The following ZBTB20 variants were observed in gnomAD, a reference collection of about 807,000 sequenced individuals.
ZBTB20 encodes the protein zinc finger and BTB domain-containing protein 20.
In ZBTB20, 9 loss-of-function variants were observed where a neutral mutation model predicts 56.9. The ratio of observed to expected loss-of-function variants is 0.16; its 90% CI spans 0.10 to 0.28. ZBTB20 has a LOEUF of 0.28. Among genes scored for constraint, ZBTB20 ranks in the 10% least tolerant of loss-of-function variants. ZBTB20 has a pLI of 1.00. For synonymous variants in ZBTB20, 417 were observed against 420.7 expected (o/e 0.99, Z 0.11); for missense variants, 655 against 1,003.0 (o/e 0.65, Z 4.69).
intron 7 of ZBTB20, among the ~76,000 whole-genome samples, chr3:114,408,489 A>G (rs1401759208): frequency 6.6e-6 from 1 of 152,174 alleles, no homozygotes; most frequent in African/African-American, 2.4e-5. Flanking sequence ...CGAAATTAGA[A>G]CAAGTCCTCA....
intron 7 of ZBTB20, among the ~76,000 whole-genome samples, chr3:114,422,170 A>G (rs988603301): frequency 2.0e-5 from 3 of 152,140 alleles, no homozygotes; most frequent in South Asian, 4.1e-4. Context: ...GACTAACTAC[A>G]TTTTACTTAG....
In ZBTB20 at chr3:114,803,482, G is replaced by A. The variant is rs182772756; in HGVS notation, c.-416-2308C>T. On this transcript the variant is annotated intron_variant, in intron 4 of 11. Transcript: ENST00000675478. ...GCAAAACAGATGGATCTTACTTTGC[G>A]CCAGGACTCAAAAAATATAGTCGCC... Among the ~76,000 whole-genome samples the A allele has an allele frequency of 9.8e-4, 149 of 151,790 alleles. 1 individual carries two copies. Among genetic ancestry groups the A allele is most frequent in the South Asian group, 1.5e-3 (7 of 4,806 alleles).
intron 5 of ZBTB20, among the ~76,000 whole-genome samples, chr3:114,753,297 CCTGTAT>C (rs2067709970): frequency 7.4e-6 from 1 of 134,738 alleles, no homozygotes; most frequent in Non-Finnish European, 1.5e-5. Flanking sequence ...TATATGTATA[CCTGTAT>C]ATATAATGTA....
At chr3:114,790,300 A>G (rs2070851337) in intron 5 of ZBTB20, among the ~76,000 whole-genome samples, 1 of 152,166 alleles carries the variant, frequency 6.6e-6, no homozygotes, top group African/African-American at 2.4e-5. Context: ...TAAAGAAAAA[A>G]TTAATAATCT....
chr3:114,947,772 A>C (rs1312172849), intron 3 of ZBTB20, among the ~76,000 whole-genome samples: 1 of 146,066 alleles, frequency 6.8e-6, no homozygotes. Context: ...TATGTAACAA[A>C]ATTACAATTG....
Position 114,351,983 on chromosome 3 carries a change from G to T in ZBTB20, c.200-105C>A, listed in dbSNP as rs2080715288. The T allele has an allele frequency of 2.1e-6, 3 of 1,410,584 alleles. No individual in the cohort carries two copies. The Admixed American group carries it at 6.6e-5, about 31-fold the overall frequency. The allele number at this position is 1,410,584 out of a possible 1,614,324, so 87.4% of individuals were successfully genotyped here. On this transcript the variant is annotated intron_variant, in intron 10 of 11. Transcript: ENST00000675478. ...TGAGTAATGCTCATGGCTCCTAGAA[G>T]CACTGCCCTTACATACGCAAGTGGG...
At chr3:114,650,999 A>T (rs577892803) in intron 6 of ZBTB20, among the ~76,000 whole-genome samples, 11 of 152,192 alleles carry the variant, frequency 7.2e-5, no homozygotes, top group African/African-American at 2.6e-4. Context: ...GAGATGAGTC[A>T]GCTCGTTTGA....
intron 8 of ZBTB20, among the ~76,000 whole-genome samples, chr3:114,382,445 G>C (rs2084488317): frequency 6.6e-6 from 1 of 152,118 alleles, no homozygotes; most frequent in Non-Finnish European, 1.5e-5. Flanking sequence ...ATATCCTCCA[G>C]AACATCCTGG....
At chr3:114,566,347 C>T (rs1460010116) in intron 6 of ZBTB20, among the ~76,000 whole-genome samples, 1 of 152,132 alleles carries the variant, frequency 6.6e-6, no homozygotes, top group Non-Finnish European at 1.5e-5. Flanking sequence ...GATAACATCA[C>T]AGACCAAGGC....
chr3:114,838,067 A>G (rs536659054), intron 4 of ZBTB20, among the ~76,000 whole-genome samples: 1 of 152,316 alleles, frequency 6.6e-6, no homozygotes, highest in East Asian at 1.9e-4. Flanking sequence ...AGAAAGTAGC[A>G]GTACAGCCTC....
chr3:114,367,407 A>G (rs1271213784), intron 10 of ZBTB20, among the ~76,000 whole-genome samples: 1 of 152,246 alleles, frequency 6.6e-6, no homozygotes, highest in South Asian at 2.1e-4. Context: ...GCTGGACTAC[A>G]AGTGCACACC....
intron 3 of ZBTB20, among the ~76,000 whole-genome samples, chr3:114,914,439 A>C (rs1032133622): frequency 6.6e-6 from 1 of 152,086 alleles, no homozygotes; most frequent in Non-Finnish European, 1.5e-5. Context: ...CTGCAAATTT[A>C]CTGAATTTAT....
chr3:114,665,361 T>C (rs2060989861), intron 6 of ZBTB20, among the ~76,000 whole-genome samples: 1 of 152,042 alleles, frequency 6.6e-6, no homozygotes, highest in Non-Finnish European at 1.5e-5. Flanking sequence ...TAGTAGTATA[T>C]ACCATCTAGG....
At chr3:114,356,745 C>T (rs970003180) in intron 10 of ZBTB20, among the ~76,000 whole-genome samples, 1 of 152,008 alleles carries the variant, frequency 6.6e-6, no homozygotes, top group African/African-American at 2.4e-5. Context: ...AACCCCCTGC[C>T]TGGGGTAAGA....
intron 1 of ZBTB20, among the ~76,000 whole-genome samples, chr3:115,093,089 T>G (rs1355663002): frequency 6.6e-6 from 1 of 152,124 alleles, no homozygotes; most frequent in African/African-American, 2.4e-5. Context: ...GAGATCATGA[T>G]GTACTCAAAG....
intron 6 of ZBTB20, among the ~76,000 whole-genome samples, chr3:114,509,769 T>G (rs2045114194): frequency 6.6e-6 from 1 of 152,154 alleles, no homozygotes; most frequent in Non-Finnish European, 1.5e-5. Flanking sequence ...TCATGGATAA[T>G]CTCCATTGGT....
At chr3:114,548,102 A>G (rs1470769209) in intron 6 of ZBTB20, among the ~76,000 whole-genome samples, 1 of 152,252 alleles carries the variant, frequency 6.6e-6, no homozygotes, top group Non-Finnish European at 1.5e-5. Context: ...ATAGAAGGCC[A>G]TGTGTTTCTC....
In ZBTB20 at chr3:114,398,251, C is replaced by T. The variant is rs144909935; in HGVS notation, c.-254-9146G>A. Among the ~76,000 whole-genome samples, 522 of 152,136 alleles carry T rather than the reference C, an allele frequency of 3.4e-3. 4 individuals are homozygous for T. Among genetic ancestry groups the T allele is most frequent in the African/African-American group, 0.012 (495 of 41,488 alleles). ...TACTGCCTGTTTGCTATATTATTAG[C>T]GAGGGTGTACATCCTCTTGGGTAGG... On this transcript the variant is annotated intron_variant, in intron 7 of 11. Transcript: ENST00000675478.
At chr3:115,129,705 G>A (rs541007809) in intron 1 of ZBTB20, among the ~76,000 whole-genome samples, 8 of 152,232 alleles carry the variant, frequency 5.3e-5, no homozygotes, top group Middle Eastern at 6.8e-3. Flanking sequence ...TTATCATTAC[G>A]TCAAGATGTG....
Sources: allele counts gnomAD v4.1 joint callset (sites outside exome capture counted in the v4.1 genomes callset), GRCh38; gene constraint gnomAD v4.1.1; transcripts MANE v1.5; gene names NCBI Gene and HGNC (gene_info 2026-07-23, HGNC 2026-07-21).